Variants in ATP6AP2 observed in about 807,000 individuals in gnomAD.
ATP6AP2 encodes ATPase H+ transporting accessory protein 2, also known as renin receptor.
A neutral mutation model predicts 23.4 loss-of-function variants in ATP6AP2; 1 was observed. That is an observed-to-expected ratio of 0.04 (90% CI 0.02 to 0.20). The LOEUF (loss-of-function observed/expected upper bound fraction) is 0.20, where lower values mean the gene tolerates loss of function less well. Among genes scored for constraint, ATP6AP2 ranks in the 10% least tolerant of loss-of-function variants. The pLI is 1.00. For synonymous variants in ATP6AP2, 90 were observed against 97.1 expected, an observed-to-expected ratio of 0.93 and a Z score of 0.43; for missense variants, 174 against 271.3, an observed-to-expected ratio of 0.64 and a Z score of 2.52.
At chrX:40,581,134 G>C (rs1405615311) in intron 1 of ATP6AP2, 32 bp downstream of exon 1, 3 of 1,143,691 alleles carry the variant, frequency 2.6e-6, no homozygotes, top group Non-Finnish European at 3.5e-6. Flanking sequence ...GGACGTGCCT[G>C]GGGAGGTCCT....
chrX:40,586,348 C>T (rs993277074), intron 1 of ATP6AP2, among the ~76,000 whole-genome samples: 1 of 111,559 alleles, frequency 9.0e-6, no homozygotes, highest in Non-Finnish European at 1.9e-5. Flanking sequence ...GAACAAAGGT[C>T]CCTAAAAAGA....
At chrX:40,584,823 G>T (rs1186399119) in intron 1 of ATP6AP2, among the ~76,000 whole-genome samples, 2 of 111,270 alleles carry the variant, frequency 1.8e-5, no homozygotes, top group Non-Finnish European at 3.8e-5. Context: ...TCACCAGACT[G>T]GTCTCAAACT....
At chrX:40,589,270 C>T (rs1293681728) in intron 2 of ATP6AP2, 154 bp downstream of exon 2, 9 of 648,064 alleles carry the variant, frequency 1.4e-5, no homozygotes, top group African/African-American at 6.7e-5. Context: ...CAGTGGCTCA[C>T]GCCTGTAATC....
Position 40,588,992 on chromosome X carries a change from T to C in ATP6AP2, c.44T>C (p.Leu15Ser), listed in dbSNP as rs144497956. The C allele has an allele frequency of 5.0e-6, 6 of 1,209,854 alleles. No homozygotes were observed. The highest frequency in any genetic ancestry group is 6.7e-6 in the Non-Finnish European group (6 of 894,177). ...TGATCTGTTTTCTTTTCAGGTGTTTTGGGGAACGAGTTTAGTATATTAAAA... is the reference window on the plus strand; with the variant it reads ...TGATCTGTTTTCTTTTCAGGTGTTTCGGGGAACGAGTTTAGTATATTAAAA... ...VVLLALVAGV[L>S]GNEFSILKSP... Residue 15 changes from leucine to serine, a missense_variant, in exon 2 of 9, where the codon TTG (leucine) becomes TCG (serine). Physicochemically the swap from Leu to Ser is moderately radical, Grantham distance 145. Coordinates refer to ENST00000636580, the MANE Select transcript of ATP6AP2 (RefSeq NM_005765.3).
Position 40,605,130 on chromosome X carries a change from A to G in ATP6AP2, c.859-431A>G, listed in dbSNP as rs1927039333. On this transcript the variant is annotated intron_variant, in intron 8 of 8. Coordinates refer to ENST00000636580, the MANE Select transcript of ATP6AP2 (RefSeq NM_005765.3). ...TTTTTAGTAGAGACGGGGTTTCACCATGTTGGCCAGGCTGCTCTGGAACTC... is the reference window on the plus strand; with the variant it reads ...TTTTTAGTAGAGACGGGGTTTCACCGTGTTGGCCAGGCTGCTCTGGAACTC... The G allele has an allele frequency of 3.1e-5, 4 of 127,738 alleles. No individual in the cohort carries two copies. The South Asian group carries it at 9.7e-4, about 31-fold the overall frequency. The allele number at this position is 127,738 out of a possible 1,213,427, so 10.5% of individuals were successfully genotyped here. A position where few individuals can be genotyped will look rare whatever the true frequency, so the allele number is the denominator to read the frequency against.
At chrX:40,584,614 A>T (rs1169765551) in intron 1 of ATP6AP2, among the ~76,000 whole-genome samples, 2 of 110,798 alleles carry the variant, frequency 1.8e-5, no homozygotes. Flanking sequence ...CCGAGTAGCT[A>T]GGATTACAGG....
rs994722893 is a variant in ATP6AP2, at chrX:40,599,372, C to G, written c.589-220C>G. 4 of 423,705 alleles carry G rather than the reference C, an allele frequency of 9.4e-6. No homozygotes were observed. In the East Asian group the frequency reaches 1.7e-4, roughly 18 times the overall value. The allele number at this position is 423,705 out of a possible 1,213,427, so 34.9% of individuals were successfully genotyped here. On this transcript the variant is annotated intron_variant, in intron 6 of 8. Coordinates refer to ENST00000636580, the MANE Select transcript of ATP6AP2 (RefSeq NM_005765.3). ...AGCTTTTATTAAATATCCAAGGAGT[C>G]TTGTACTGCTCCTAAACATGAGATT...
intron 3 of ATP6AP2, among the ~76,000 whole-genome samples, chrX:40,593,743 G>C (rs1005407861): frequency 1.8e-5 from 2 of 110,693 alleles, no homozygotes; most frequent in African/African-American, 6.6e-5. Context: ...CCTGAGCTCA[G>C]GTGATCCACC....
In ATP6AP2 at chrX:40,605,982, A is replaced by G; in HGVS notation, c.*227A>G. ...CCATAATATGCTTGAATATTATGATATAGCCATTTAATAACATTGATTTCA... is the reference window on the plus strand; with the variant it reads ...CCATAATATGCTTGAATATTATGATGTAGCCATTTAATAACATTGATTTCA... On this transcript the variant is annotated 3_prime_UTR_variant, in exon 9 of 9. Transcript: ENST00000636580. 2.8e-6 allele frequency: 1 copy of G among 357,696 alleles called. No homozygotes were observed. The highest frequency in any genetic ancestry group is 4.8e-6 in the Non-Finnish European group (1 of 207,404). The allele number at this position is 357,696 out of a possible 1,213,427, so 29.5% of individuals were successfully genotyped here.
rs1156967644 is a variant in ATP6AP2 at position 40,606,612 on chromosome X, CAAAT to C, written c.*861_*864del. ...GTGGACCAATGTCTATCAAGAGTGA[CAAAT>C]AAAGTTAATGATGATTCCAAATTTG... On this transcript the variant is annotated 3_prime_UTR_variant, in exon 9 of 9. Coordinates refer to ENST00000636580, the MANE Select transcript of ATP6AP2 (RefSeq NM_005765.3). 3 of 112,154 alleles carry C rather than the reference CAAAT, an allele frequency of 2.7e-5. No homozygotes were observed. Among genetic ancestry groups the C allele is most frequent in the Admixed American group, 1.9e-4 (2 of 10,498 alleles). The allele number at this position is 112,154 out of a possible 1,213,427, so 9.2% of individuals were successfully genotyped here.
At chrX:40,605,164 A>G in intron 8 of ATP6AP2, 1 of 141,060 alleles carries the variant, frequency 7.1e-6, no homozygotes, top group Non-Finnish European at 1.4e-5. Flanking sequence ...TCCTGACCTC[A>G]GGTGATCTGC....
chrX:40,597,782 C>G, intron 5 of ATP6AP2, 118 bp downstream of exon 5: 1 of 753,916 alleles, frequency 1.3e-6, no homozygotes. Flanking sequence ...CTCAAGCAAT[C>G]CTGTCTTGGC....
rs759439189 is a variant in ATP6AP2 at position 40,585,786 on chromosome X, G to A, written c.38-3200G>A. ...CAGGAGAATCTCTTGAACCTGGGAGGTGGAGGTTGCGGTGAGCTGAGATCC... is the reference window on the plus strand; with the variant it reads ...CAGGAGAATCTCTTGAACCTGGGAGATGGAGGTTGCGGTGAGCTGAGATCC... On this transcript the variant is annotated intron_variant, in intron 1 of 8. Coordinates refer to ENST00000636580, the MANE Select transcript of ATP6AP2 (RefSeq NM_005765.3). 2.7e-5 allele frequency among the ~76,000 whole-genome samples: 3 copies of A among 111,559 alleles called. No homozygotes were observed. In the South Asian group the frequency reaches 1.1e-3, roughly 42 times the overall value.
intron 8 of ATP6AP2, among the ~76,000 whole-genome samples, chrX:40,604,335 A>T (rs911379198): frequency 8.9e-6 from 1 of 111,936 alleles, no homozygotes; most frequent in African/African-American, 3.3e-5. Flanking sequence ...TCACAGTTCC[A>T]CATGGCTGGG....
chrX:40,596,601 A>T (rs1021402866), intron 3 of ATP6AP2, among the ~76,000 whole-genome samples: 1 of 111,114 alleles, frequency 9.0e-6, no homozygotes, highest in African/African-American at 3.3e-5. Context: ...CAAGATTTGT[A>T]TACTATATTA....
At chrX:40,605,308 G>A in intron 8 of ATP6AP2, 1 of 382,732 alleles carries the variant, frequency 2.6e-6, no homozygotes. Context: ...CTGGATCACA[G>A]GATATGCACA....
At chrX:40,604,364 CA>C (rs1278796290) in intron 8 of ATP6AP2, among the ~76,000 whole-genome samples, 1 of 111,101 alleles carries the variant, frequency 9.0e-6, no homozygotes, top group African/African-American at 3.3e-5. Context: ...AGGAAACTTA[CA>C]ATCATGGAGG....
chrX:40,598,652 A>G (rs780559704), intron 5 of ATP6AP2, 29 bp from the exon 6 acceptor site: 15 of 1,196,492 alleles, frequency 1.3e-5, no homozygotes, highest in Non-Finnish European at 1.7e-5. Context: ...CATTTAAAAG[A>G]ATGCTCTTTT....
intron 1 of ATP6AP2, among the ~76,000 whole-genome samples, chrX:40,587,749 C>CT (rs1926515633): frequency 8.9e-6 from 1 of 111,956 alleles, no homozygotes; most frequent in Non-Finnish European, 1.9e-5. Flanking sequence ...ATCTGTAGTC[C>CT]TAGCTACTCA....
Sources: allele counts gnomAD v4.1 joint callset (sites outside exome capture counted in the v4.1 genomes callset), GRCh38; gene constraint gnomAD v4.1.1; transcripts MANE v1.5; gene names NCBI Gene and HGNC (gene_info 2026-07-23, HGNC 2026-07-21).